AHCY: variants seen among roughly 807,000 people sequenced by gnomAD.
The protein encoded by AHCY is S-adenosyl-L-homocysteine hydrolase.
A neutral mutation model predicts 45.4 loss-of-function variants in AHCY; 24 were observed. The ratio of observed to expected loss-of-function variants is 0.53; its 90% confidence interval spans 0.38 to 0.74. The LOEUF (loss-of-function observed/expected upper bound fraction) is 0.74. AHCY is among the 30% of genes least tolerant of loss of function. AHCY has a pLI of 0.00. For synonymous variants in AHCY, 245 were observed against 235.1 expected (o/e 1.04, Z -0.39); for missense variants, 449 against 594.1 (o/e 0.76, Z 2.54).
chr20:34,248,842 C>A, the AHCY span, among the ~76,000 whole-genome samples: 6 of 151,446 alleles, frequency 4.0e-5, no homozygotes, highest in Non-Finnish European at 8.8e-5. Context: ...TATGTTGTAG[C>A]CTCTCTGAAG....
the AHCY span, among the ~76,000 whole-genome samples, chr20:34,267,058 A>G: frequency 6.6e-6 from 1 of 152,214 alleles, no homozygotes; most frequent in Non-Finnish European, 1.5e-5. Context: ...TGTAAAGTGA[A>G]CAAGCAAGAT....
chr20:34,234,452 C>A, the AHCY span, among the ~76,000 whole-genome samples: 8 of 152,206 alleles, frequency 5.3e-5, no homozygotes, highest in East Asian at 1.5e-3. Context: ...ATCCAGTGGG[C>A]GCTATCAGCT....
intron 9 of AHCY, among the ~76,000 whole-genome samples, chr20:34,284,562 T>C (rs2036108146): frequency 6.6e-6 from 1 of 152,136 alleles, no homozygotes; most frequent in Non-Finnish European, 1.5e-5. Context: ...TTTTTTAAAT[T>C]ATAATGAGGC....
Position 34,295,491 on chromosome 20 carries a change from G to C in AHCY, c.123C>G (p.Ala41=). 6.2e-7 allele frequency: 1 copy of C among 1,614,038 alleles called. No individual in the cohort carries two copies. Among genetic ancestry groups the C allele is most frequent in the African/African-American group, 1.3e-5 (1 of 75,066 alleles). Residue 41 remains alanine (A), a synonymous_variant, in exon 2 of 10, where the codon GCC becomes GCG. Coordinates refer to ENST00000217426, the MANE Select transcript of AHCY (RefSeq NM_000687.4). ...TGCGGGCGCCCTTCAGTGGCTTGGA[G>C]GCCGAGTACCGCTCCCGCATACGCA... is the stretch of plus-strand genomic sequence containing the variant. ...GLMRMRERYS[A]SKPLKGARIA...
chr20:34,260,347 C>A, the AHCY span: 1 of 1,601,664 alleles, frequency 6.2e-7, no homozygotes, highest in Non-Finnish European at 8.5e-7. Flanking sequence ...ACCTGACCAC[C>A]TTCTCTGTCC....
chr20:34,267,177 G>C, the AHCY span, among the ~76,000 whole-genome samples: 1 of 152,132 alleles, frequency 6.6e-6, no homozygotes, highest in Non-Finnish European at 1.5e-5. Flanking sequence ...GTCTCATGGA[G>C]TTTACATTCT....
chr20:34,261,729 G>A, the AHCY span, among the ~76,000 whole-genome samples: 1 of 152,180 alleles, frequency 6.6e-6, no homozygotes, highest in South Asian at 2.1e-4. Context: ...TTGAGCCCAG[G>A]AGGTCGACGC....
intron 1 of AHCY, among the ~76,000 whole-genome samples, chr20:34,298,521 T>TGG (rs1348325463): frequency 6.7e-6 from 1 of 149,910 alleles, no homozygotes; most frequent in African/African-American, 2.4e-5. Flanking sequence ...AAGACGCCCG[T>TGG]TACCAGGCGG....
chr20:34,245,868 A>T, the AHCY span: 1 of 893,768 alleles, frequency 1.1e-6, no homozygotes, highest in Non-Finnish European at 1.5e-6. Context: ...CAGTAAATAT[A>T]TATATATGTA....
the AHCY span, among the ~76,000 whole-genome samples, chr20:34,257,064 C>CTCTTTTTTTTTT: frequency 1.3e-4 from 16 of 125,566 alleles, no homozygotes; most frequent in East Asian, 4.4e-4. Flanking sequence ...CTCTCTCTTT[C>CTCTTTTTTTTTT]TTTCTCTTTT....
the AHCY span, among the ~76,000 whole-genome samples, chr20:34,233,784 G>A: frequency 2.6e-5 from 4 of 152,192 alleles, no homozygotes; most frequent in South Asian, 4.2e-4. Flanking sequence ...ACAATGATGT[G>A]GCCACAATTG....
At chr20:34,233,143 CTTTT>C in the AHCY span, among the ~76,000 whole-genome samples, 2 of 100,302 alleles carry the variant, frequency 2.0e-5, no homozygotes, top group Non-Finnish European at 1.9e-5. Flanking sequence ...GGGACAAGAG[CTTTT>C]TTTTTTTTTT....
chr20:34,257,050 TTCTC>T, the AHCY span, among the ~76,000 whole-genome samples: 16 of 146,252 alleles, frequency 1.1e-4, no homozygotes, highest in East Asian at 6.2e-4. Flanking sequence ...TTTTCTTTCT[TTCTC>T]TCTCTCTTTC....
chr20:34,247,610 A>T, the AHCY span, among the ~76,000 whole-genome samples: 1 of 150,720 alleles, frequency 6.6e-6, no homozygotes, highest in Non-Finnish European at 1.5e-5. Context: ...GCTTTTTCTT[A>T]TATGACTTTT....
chr20:34,305,866 G>A (rs973355313), upstream of AHCY, among the ~76,000 whole-genome samples: 1 of 152,100 alleles, frequency 6.6e-6, no homozygotes, highest in Non-Finnish European at 1.5e-5. Context: ...TGGATCACTT[G>A]GGGTCAGGAG....
chr20:34,290,286 T>C lies in AHCY; in HGVS notation c.972+46A>G. 1 of 1,576,602 alleles carries C rather than the reference T, an allele frequency of 6.3e-7. No homozygotes were observed. Among genetic ancestry groups the C allele is most frequent in the Non-Finnish European group, 8.7e-7 (1 of 1,148,612 alleles). On this transcript the variant is annotated intron_variant, in intron 8 of 9. Transcript: ENST00000217426. This position sits in a 1 kb window ranked among gnomAD's most constrained non-coding sequence, Gnocchi z 4.5. ...TCCTCCCTGGCAGCCAGCACTCCTC[T>C]GCACTCCCATCTGCCCAGCCCACTG...
At chr20:34,284,454 G>A (rs1024677991) in intron 9 of AHCY, among the ~76,000 whole-genome samples, 14 of 152,202 alleles carry the variant, frequency 9.2e-5, no homozygotes, top group African/African-American at 3.1e-4. Context: ...GAGCCACCGC[G>A]CCTGGCCAGG....
chr20:34,283,769 A>G (rs907199639), intron 9 of AHCY, among the ~76,000 whole-genome samples: 1 of 152,238 alleles, frequency 6.6e-6, no homozygotes, highest in African/African-American at 2.4e-5. Context: ...CCAGCAAGAC[A>G]TTGCTCCAGG....
the AHCY span, among the ~76,000 whole-genome samples, chr20:34,267,459 C>CAAAAAAA: frequency 5.0e-4 from 23 of 46,272 alleles, no homozygotes; most frequent in African/African-American, 7.3e-4. Flanking sequence ...AACTGGCTCT[C>CAAAAAAA]AAAAAAAAAA....
Sources: gnomAD v4.1 joint callset for allele counts (sites outside exome capture counted in the v4.1 genomes callset) on GRCh38, gnomAD v4.1.1 for gene constraint, Gnocchi (gnomAD v3.1) non-coding constraint, MANE v1.5 for transcripts, NCBI Gene and HGNC (gene_info 2026-07-23, HGNC 2026-07-21) for gene names.